Variants in SAMSN1 observed in about 807,000 individuals in gnomAD.
SAMSN1 encodes the protein SAM domain, SH3 domain and nuclear localization signals 1, also known as SAM domain-containing protein SAMSN-1.
Under a neutral mutation model 42.0 loss-of-function variants are expected in SAMSN1, and 31 were observed. That is an observed-to-expected ratio of 0.74 (90% CI 0.55 to 1.00). The LOEUF (loss-of-function observed/expected upper bound fraction) is 1.00. Ranked by LOEUF, SAMSN1 falls within the 50% of genes least tolerant of loss-of-function variation. The probability of loss-of-function intolerance (pLI) is 0.00; values close to 1 mark genes in which losing one functional copy is unlikely to be tolerated. For missense variants in SAMSN1, 464 were observed against 439.4 expected (o/e 1.06, Z -0.50); for synonymous variants, 178 against 151.9 (o/e 1.17, Z -1.26).
At chr21:14,616,787 C>A (rs1051182695) in intron 2 of SAMSN1, among the ~76,000 whole-genome samples, 3 of 152,032 alleles carry the variant, frequency 2.0e-5, no homozygotes, top group African/African-American at 7.3e-5. Flanking sequence ...AAAATTGCAA[C>A]GAATATTCCA....
intron 2 of SAMSN1, among the ~76,000 whole-genome samples, chr21:14,554,305 T>G (rs1306458195): frequency 6.6e-6 from 1 of 152,090 alleles, no homozygotes; most frequent in Non-Finnish European, 1.5e-5. Context: ...AGCCTTTCCA[T>G]AAAGTGCACA....
intron 1 of SAMSN1, among the ~76,000 whole-genome samples, chr21:14,645,996 C>T (rs902126498): frequency 9.9e-5 from 15 of 152,112 alleles, no homozygotes; most frequent in African/African-American, 2.2e-4. Context: ...CAAAAAACAA[C>T]GTAGCGCAAC....
At chr21:14,644,600 T>C (rs1983676778) in intron 1 of SAMSN1, among the ~76,000 whole-genome samples, 1 of 152,092 alleles carries the variant, frequency 6.6e-6, no homozygotes, top group East Asian at 1.9e-4. Context: ...TTACTAGCTG[T>C]GGTGGCTACA....
chr21:14,601,834 A>G (rs764156033), intron 6 of SAMSN1, among the ~76,000 whole-genome samples: 5 of 152,210 alleles, frequency 3.3e-5, no homozygotes, highest in Non-Finnish European at 7.3e-5. Context: ...TCTTATCATC[A>G]TTGAATTTTT....
intron 6 of SAMSN1, among the ~76,000 whole-genome samples, chr21:14,600,699 G>A (rs191889475): frequency 6.6e-5 from 10 of 152,272 alleles, no homozygotes; most frequent in Admixed American, 6.5e-4. Context: ...CAGAAGGCAT[G>A]TCTAGTGAGC....
rs1041812447 is a variant in SAMSN1 at position 14,631,685 on chromosome 21, G to A, written c.156+11317C>T. ...CCACCCAAGATGGGATTTTTATAAT[G>A]TTTGTTTGACTTCCTCCCCCCAATT... is the stretch of plus-strand genomic sequence containing the variant. On this transcript the variant is annotated intron_variant, in intron 2 of 15. Coordinates refer to the SAMSN1 transcript ENST00000647101. 3.9e-5 allele frequency among the ~76,000 whole-genome samples: 6 copies of A among 152,228 alleles called. 1 individual carries two copies. The South Asian group carries it at 6.2e-4, about 16-fold the overall frequency.
chr21:14,596,851 T>C (rs1369300371), intron 6 of SAMSN1, among the ~76,000 whole-genome samples: 1 of 152,162 alleles, frequency 6.6e-6, no homozygotes, highest in Admixed American at 6.6e-5. Flanking sequence ...GACTCTAAGC[T>C]AGAAATGCCC....
intron 4 of SAMSN1, among the ~76,000 whole-genome samples, 162 bp from the exon 5 acceptor site, chr21:14,510,623 T>A (rs1445929214): frequency 2.6e-5 from 4 of 152,178 alleles, no homozygotes; most frequent in Non-Finnish European, 5.9e-5. Flanking sequence ...TTACTCTCCA[T>A]CAGTGACGTC....
exon 2 of SAMSN1, chr21:14,582,285 G>C (rs942256182): frequency 1.3e-6 from 2 of 1,550,760 alleles, no homozygotes. Flanking sequence ...TTCCAGTGAT[G>C]CCACATGTAA....
intron 5 of SAMSN1, chr21:14,602,116 C>T (rs778303296): frequency 1.6e-6 from 1 of 618,172 alleles, no homozygotes; most frequent in Non-Finnish European, 3.0e-6. Context: ...AAAGAGATAA[C>T]TGTTACATAC....
At chr21:14,610,835 C>T (rs1365781816) in intron 4 of SAMSN1, among the ~76,000 whole-genome samples, 1 of 152,242 alleles carries the variant, frequency 6.6e-6, no homozygotes, top group African/African-American at 2.4e-5. Flanking sequence ...TACATAGGCA[C>T]TTCACCATAT....
intron 5 of SAMSN1, among the ~76,000 whole-genome samples, chr21:14,505,339 T>C (rs943904737): frequency 6.6e-6 from 1 of 152,166 alleles, no homozygotes; most frequent in African/African-American, 2.4e-5. Flanking sequence ...AACTATATGC[T>C]GCCTTCAAGA....
chr21:14,621,254 C>T (rs1010239985), intron 2 of SAMSN1, among the ~76,000 whole-genome samples: 2 of 152,220 alleles, frequency 1.3e-5, no homozygotes, highest in African/African-American at 4.8e-5. Context: ...CGGGTGATTT[C>T]TGCATTTCCA....
chr21:14,629,847 T>A (rs1228819572), intron 2 of SAMSN1, among the ~76,000 whole-genome samples: 2 of 152,154 alleles, frequency 1.3e-5, no homozygotes, highest in South Asian at 4.1e-4. Flanking sequence ...GTTATTTGCA[T>A]TATAAAAGAT....
At chr21:14,575,172 A>G (rs1981420227) in intron 2 of SAMSN1, among the ~76,000 whole-genome samples, 1 of 152,190 alleles carries the variant, frequency 6.6e-6, no homozygotes, top group Non-Finnish European at 1.5e-5. Flanking sequence ...TAAATGAATG[A>G]ATAAGCCATG....
intron 5 of SAMSN1, among the ~76,000 whole-genome samples, chr21:14,603,513 G>A (rs1035739236): frequency 9.2e-5 from 14 of 152,178 alleles, no homozygotes; most frequent in African/African-American, 3.4e-4. Context: ...AAAGGAAAAG[G>A]TGTAAATATA....
At chr21:14,648,980 T>C (rs1221679262) in intron 1 of SAMSN1, among the ~76,000 whole-genome samples, 2 of 151,922 alleles carry the variant, frequency 1.3e-5, no homozygotes, top group South Asian at 2.1e-4. Flanking sequence ...CGTATGTTTA[T>C]TGCGGCATTA....
chr21:14,511,342 A>C (rs1987680013), intron 4 of SAMSN1, among the ~76,000 whole-genome samples: 1 of 152,074 alleles, frequency 6.6e-6, no homozygotes. Context: ...TTCCATGACA[A>C]CTCCAGACCA....
At chr21:14,522,101 G>A (rs1429802454) in intron 1 of SAMSN1, among the ~76,000 whole-genome samples, 3 of 152,138 alleles carry the variant, frequency 2.0e-5, no homozygotes, top group Non-Finnish European at 4.4e-5. Flanking sequence ...AGATCTCTGG[G>A]TCAGTTTCAT....
Sources: gnomAD v4.1 joint callset for allele counts (sites outside exome capture counted in the v4.1 genomes callset) on GRCh38, gnomAD v4.1.1 for gene constraint, MANE v1.5 for transcripts, NCBI Gene and HGNC (gene_info 2026-07-23, HGNC 2026-07-21) for gene names.